Variants in PPL observed in about 807,000 individuals in gnomAD.
The protein encoded by PPL is periplakin, also known as 190 kDa paraneoplastic pemphigus antigen.
PPL carries 198 observed loss-of-function variants against 194.4 expected under a neutral mutation model. The observed-to-expected ratio is 1.02, with a 90% CI of 0.91 to 1.15. The LOEUF (loss-of-function observed/expected upper bound fraction) is 1.15, where lower values mean the gene tolerates loss of function less well. Among genes scored for constraint, PPL ranks in the 50% most tolerant of loss-of-function variants. The pLI is 0.00. For synonymous variants in PPL, 1,220 were observed against 972.4 expected, an observed-to-expected ratio of 1.25 and a Z score of -4.74; for missense variants, 2,885 against 2,294.8, an observed-to-expected ratio of 1.26 and a Z score of -5.25.
chr16:4,920,656 T>A (rs1157343278), intron 1 of PPL, among the ~76,000 whole-genome samples: 1 of 152,028 alleles, frequency 6.6e-6, no homozygotes, highest in African/African-American at 2.4e-5. Flanking sequence ...AGAGACAGGG[T>A]TTCGCCATGT....
chr16:4,890,378 G>A, intron 17 of PPL, 44 bp from the exon 18 acceptor site: 1 of 1,527,206 alleles, frequency 6.5e-7, no homozygotes, highest in South Asian at 1.3e-5. Flanking sequence ...GCAAACAGAT[G>A]CCTCACCGAG....
At chr16:4,910,386 C>A (rs1242986459) in intron 2 of PPL, among the ~76,000 whole-genome samples, 2 of 152,168 alleles carry the variant, frequency 1.3e-5, no homozygotes, top group Non-Finnish European at 2.9e-5. Context: ...TCACTCCTGC[C>A]TGCTTAGAGA....
In PPL at chr16:4,892,461, C is replaced by T. The variant is rs372398350; in HGVS notation, c.1651-248G>A. ...CAGAAGCACCCAGGCAGCTGCCGGG[C>T]CTGTGCTGTCCTCAGCACTGCACGC... is the stretch of plus-strand genomic sequence containing the variant. On this transcript the variant is annotated intron_variant, in intron 14 of 21. Transcript: ENST00000345988. 3.0e-4 allele frequency among the ~76,000 whole-genome samples: 45 copies of T among 152,342 alleles called. No individual in the cohort carries two copies. In the East Asian group the frequency reaches 7.3e-3, roughly 25 times the overall value.
intron 1 of PPL, among the ~76,000 whole-genome samples, chr16:4,916,312 A>G (rs937456738): frequency 1.3e-5 from 2 of 151,540 alleles, no homozygotes; most frequent in Admixed American, 6.6e-5. Flanking sequence ...CCCAGACTCA[A>G]ATGATTCTCC....
rs545024211 is a variant in PPL at position 4,897,920 on chromosome 16, G to A, written c.877-150C>T. The A allele has an allele frequency of 1.4e-5, 9 of 631,934 alleles. No individual in the cohort carries two copies. In the East Asian group the frequency reaches 2.5e-4, roughly 17 times the overall value. 39.1% of individuals were successfully genotyped at this position (631,934 alleles called of 1,614,324 possible). On this transcript the variant is annotated intron_variant, in intron 8 of 21. Coordinates refer to ENST00000345988, the MANE Select transcript of PPL (RefSeq NM_002705.5). ...GCTACCACAGGGGTAGCCAGCTTCTGCTCAGGAGTGGGAGGAGGAGAGAGG... is the reference window on the plus strand; with the variant it reads ...GCTACCACAGGGGTAGCCAGCTTCTACTCAGGAGTGGGAGGAGGAGAGAGG...
chr16:4,910,748 A>C (rs2088802153), intron 2 of PPL, 102 bp downstream of exon 2: 1 of 1,059,642 alleles, frequency 9.4e-7, no homozygotes, highest in South Asian at 1.3e-5. Flanking sequence ...TCGGGGCCAC[A>C]ATCACCCCTG....
At chr16:4,915,000 C>T (rs2088891266) in intron 1 of PPL, among the ~76,000 whole-genome samples, 1 of 152,202 alleles carries the variant, frequency 6.6e-6, no homozygotes, top group African/African-American at 2.4e-5. Context: ...ATATTTAACC[C>T]CTGACTCTGC....
intron 1 of PPL, among the ~76,000 whole-genome samples, chr16:4,921,263 C>T (rs571542122): frequency 3.9e-5 from 6 of 152,304 alleles, no homozygotes; most frequent in African/African-American, 1.4e-4. Flanking sequence ...AGTTCCAGGG[C>T]TGTGTTTGAG....
At chr16:4,935,563 T>G (rs2089285730) in intron 1 of PPL, among the ~76,000 whole-genome samples, 3 of 151,496 alleles carry the variant, frequency 2.0e-5, no homozygotes, top group African/African-American at 4.9e-5. Flanking sequence ...GTCTCTGGGG[T>G]TGTGAAAGAT....
chr16:4,922,705 C>T (rs1046870156), intron 1 of PPL, among the ~76,000 whole-genome samples: 24 of 152,066 alleles, frequency 1.6e-4, no homozygotes, highest in African/African-American at 5.3e-4. Context: ...AACAAAAAGC[C>T]AGAAGCCAAG....
At position 4,893,233 on chromosome 16, in the gene PPL, C is replaced by G. The variant is rs139608681; in HGVS notation, c.1630G>C (p.Glu544Gln). The change falls in exon 14 of 22, where the codon GAG becomes CAG. Residue 544 changes from glutamate to glutamine, a missense_variant. Glu to Gln is a conservative substitution (Grantham distance 29). Coordinates refer to ENST00000345988, the MANE Select transcript of PPL (RefSeq NM_002705.5). ...EQGRAVQDSA[E>Q]RAKDLKNITN... ...GGTACCTTGAGGTCCTTGGCCCGCT[C>G]GGCACTGTCCTGCACAGCCCGGCCT... is the stretch of plus-strand genomic sequence containing the variant. 2 of 1,580,250 alleles carry G rather than the reference C, an allele frequency of 1.3e-6. No homozygotes were observed. Among genetic ancestry groups the G allele is most frequent in the African/African-American group, 1.3e-5 (1 of 74,540 alleles).
At position 4,885,388 on chromosome 16, in the gene PPL, C is replaced by G. The variant is rs767374115; in HGVS notation, c.3267G>C (p.Glu1089Asp). The G allele has an allele frequency of 1.2e-6, 2 of 1,613,016 alleles. No homozygotes were observed. The highest frequency in any genetic ancestry group is 2.7e-5 in the African/African-American group (2 of 75,026). ...RQDQLREKQEEELSFLQDKLK... is the reference protein window; with the variant it reads ...RQDQLREKQEDELSFLQDKLK... ...GCTTGTCCTGGAGGAAGCTCAGCTC[C>G]TCCTCCTGCTTCTCCCTGAGCTGGT... Residue 1089 changes from glutamate to aspartate, a missense_variant, in exon 22 of 22, where the codon GAG becomes GAC. Glu to Asp is a conservative substitution (Grantham distance 45). Transcript: ENST00000345988. This position sits in a 1 kb window ranked among gnomAD's most constrained non-coding sequence, Gnocchi z 6.3.
chr16:4,899,227 T>C lies in PPL; in HGVS notation c.764A>G (p.Tyr255Cys), dbSNP rs777816688. ...CCCCAGGCCCCCAGAACCCACCTCA[T>C]ACTGGCGCCGGCGGCTGGGGTAGTC... is the stretch of plus-strand genomic sequence containing the variant. ...NLDYPSRRRQ[Y>C]ENFINRNLEA... Residue 255 changes from tyrosine to cysteine, a missense_variant, in exon 7 of 22, where the codon TAT (tyrosine) becomes TGT (cysteine). Tyr to Cys is a radical substitution (Grantham distance 194, BLOSUM62 -2). Transcript: ENST00000345988. The C allele has an allele frequency of 3.7e-6, 6 of 1,613,748 alleles. No individual in the cohort carries two copies. Among genetic ancestry groups the C allele is most frequent in the Admixed American group, 1.7e-5 (1 of 59,986 alleles).
At chr16:4,890,685 AT>A in intron 17 of PPL, 42 bp downstream of exon 17, 5 of 1,557,822 alleles carry the variant, frequency 3.2e-6, no homozygotes, top group Non-Finnish European at 4.3e-6. Flanking sequence ...ATTAGATCGC[AT>A]TCTCAGAAAA....
At chr16:4,899,576 C>CTCATTCAT (rs71139663) in intron 6 of PPL, among the ~76,000 whole-genome samples, 192 bp from the exon 7 acceptor site, 1 of 151,360 alleles carries the variant, frequency 6.6e-6, no homozygotes, top group African/African-American at 2.4e-5. Flanking sequence ...ACCCCTGAAA[C>CTCATTCAT]TCATTCATTC....
intron 1 of PPL, among the ~76,000 whole-genome samples, chr16:4,913,566 T>G (rs1246340350): frequency 6.6e-6 from 1 of 152,194 alleles, no homozygotes; most frequent in South Asian, 2.1e-4. Flanking sequence ...AGACCGAGTC[T>G]CACTCTGTCA....
In PPL at chr16:4,884,607, C is replaced by T; in HGVS notation, c.4048G>A (p.Val1350Met). 1 of 1,614,186 alleles carries T rather than the reference C, an allele frequency of 6.2e-7. No homozygotes were observed. The change falls in exon 22 of 22, where the codon GTG (valine) becomes ATG (methionine). Residue 1350 changes from valine to methionine, a missense_variant. Coordinates refer to ENST00000345988, the MANE Select transcript of PPL (RefSeq NM_002705.5). The surrounding 1 kb of genome is among the most constrained non-coding windows in gnomAD (Gnocchi z 5.7). ...EEELSRVKERVVQQEVVRYEE... is the reference protein window; with the variant it reads ...EEELSRVKERMVQQEVVRYEE... ...TACCTGACCACCTCCTGCTGCACCA[C>T]CCTTTCCTTCACCCGCGAGAGCTCC...
chr16:4,914,871 C>A (rs2088889163), intron 1 of PPL, among the ~76,000 whole-genome samples: 1 of 152,156 alleles, frequency 6.6e-6, no homozygotes, highest in African/African-American at 2.4e-5. Context: ...CCTAACCCCC[C>A]ACTTCCTGGT....
At chr16:4,924,187 G>C (rs1345437375) in intron 1 of PPL, among the ~76,000 whole-genome samples, 8 of 152,302 alleles carry the variant, frequency 5.3e-5, no homozygotes, top group African/African-American at 1.7e-4. Flanking sequence ...CGTGAAAAGA[G>C]TAAGAAGAAA....
Sources: gnomAD v4.1 joint callset for allele counts (sites outside exome capture counted in the v4.1 genomes callset) on GRCh38, gnomAD v4.1.1 for gene constraint, Gnocchi (gnomAD v3.1) non-coding constraint, MANE v1.5 for transcripts, NCBI Gene and HGNC (gene_info 2026-07-23, HGNC 2026-07-21) for gene names.